The following UBE4B variants were observed in gnomAD, a reference collection of about 807,000 sequenced individuals.
UBE4B encodes ubiquitin conjugation factor E4 B.
UBE4B carries 27 observed loss-of-function variants against 148.1 expected under a neutral mutation model. The ratio of observed to expected loss-of-function variants is 0.18; its 90% CI spans 0.13 to 0.25. The LOEUF (loss-of-function observed/expected upper bound fraction) is 0.25, where lower values mean the gene tolerates loss of function less well. Ranked by LOEUF, UBE4B falls within the 10% of genes least tolerant of loss-of-function variation. The pLI is 1.00. For synonymous variants in UBE4B, 596 were observed against 619.3 expected (o/e 0.96, Z 0.56); for missense variants, 1,170 against 1,662.4 (o/e 0.70, Z 5.15).
At chr1:10,093,293 G>A (rs1008426721) in intron 2 of UBE4B, among the ~76,000 whole-genome samples, 1 of 152,050 alleles carries the variant, frequency 6.6e-6, no homozygotes. Flanking sequence ...ACCTTGTGAT[G>A]GTGTATTATT....
chr1:10,104,670 GTTATTC>G (rs1023471413), intron 5 of UBE4B, among the ~76,000 whole-genome samples: 9 of 152,214 alleles, frequency 5.9e-5, no homozygotes, highest in South Asian at 2.1e-4. Flanking sequence ...TCTGCTACTT[GTTATTC>G]TTATTATAAA....
intron 1 of UBE4B, among the ~76,000 whole-genome samples, chr1:10,039,216 A>G (rs1646329153): frequency 6.6e-6 from 1 of 152,114 alleles, no homozygotes. Context: ...GAAACATGAG[A>G]AGGGACCCCG....
chr1:10,134,879 C>T, intron 15 of UBE4B, 109 bp from the exon 16 acceptor site: 4 of 867,670 alleles, frequency 4.6e-6, no homozygotes, highest in Non-Finnish European at 7.0e-6. Context: ...GTGGAGGTTG[C>T]AGCCAAGATC....
At chr1:10,103,238 ATTG>A in intron 5 of UBE4B, 146 bp downstream of exon 5, 1 of 724,208 alleles carries the variant, frequency 1.4e-6, no homozygotes, top group Non-Finnish European at 2.1e-6. Flanking sequence ...TGAGGACACA[ATTG>A]TTTAGCCACT....
intron 2 of UBE4B, 35 bp from the exon 3 acceptor site, chr1:10,095,426 C>G (rs780062085): frequency 6.2e-6 from 10 of 1,610,254 alleles, no homozygotes; most frequent in Non-Finnish European, 7.6e-6. Context: ...CATTATTTCA[C>G]ATGGGGCTTC....
chr1:10,068,418 C>T (rs1467886260), intron 1 of UBE4B, among the ~76,000 whole-genome samples: 10 of 148,344 alleles, frequency 6.7e-5, no homozygotes, highest in African/African-American at 1.8e-4. Flanking sequence ...GGTGCGATCT[C>T]AGCTCACTGT....
chr1:10,126,911 A>G, intron 11 of UBE4B, 34 bp downstream of exon 11: 2 of 1,529,942 alleles, frequency 1.3e-6, no homozygotes, highest in Non-Finnish European at 1.8e-6. Context: ...AACTCATTCA[A>G]TAGATGTTTT....
At chr1:10,131,407 C>T (rs566396292) in intron 14 of UBE4B, among the ~76,000 whole-genome samples, 74 of 152,116 alleles carry the variant, frequency 4.9e-4, no homozygotes, top group Non-Finnish European at 9.7e-4. Flanking sequence ...ATCACTTGAA[C>T]CCAGGAGGTG....
In UBE4B at chr1:10,112,431, G is replaced by A. The variant is rs182380922; in HGVS notation, c.1197-5028G>A. 7.8e-4 allele frequency among the ~76,000 whole-genome samples: 119 copies of A among 152,100 alleles called. No individual in the cohort carries two copies. The Middle Eastern group carries it at 0.02, about 26-fold the overall frequency. ...TTTGTCTTGTTTTAGACGGAGTCTC[G>A]CTCTGTCTCCCGGGCTGGAGTGCAG... is the stretch of plus-strand genomic sequence containing the variant. On this transcript the variant is annotated intron_variant, in intron 7 of 27. Transcript: ENST00000343090.
At chr1:10,156,544 T>C (rs1281615636) in intron 21 of UBE4B, among the ~76,000 whole-genome samples, 1 of 152,144 alleles carries the variant, frequency 6.6e-6, no homozygotes, top group Non-Finnish European at 1.5e-5. Context: ...AGATACATAT[T>C]GCTACATAAT....
chr1:10,161,151 G>A lies in UBE4B; in HGVS notation c.3063G>A (p.Lys1021=). The A allele has an allele frequency of 6.2e-7, 1 of 1,614,050 alleles. No homozygotes were observed. Among genetic ancestry groups the A allele is most frequent in the Non-Finnish European group, 8.5e-7 (1 of 1,179,974 alleles). Residue 1021 remains lysine, a synonymous_variant, in exon 23 of 28, where the codon AAG becomes AAA. Coordinates refer to ENST00000343090, the MANE Select transcript of UBE4B (RefSeq NM_001105562.3). This position sits in a 1 kb window ranked among gnomAD's most constrained non-coding sequence, Gnocchi z 4.1. ...ATAATTGCCTTTCCAGCTCCGGGAA[G>A]CAGTTTGTTCGCTATATAAACATGT... ...GTFMEEFNSG[K]QFVRYINMLI... is the part of the protein sequence containing the mutation.
At chr1:10,154,384 TAA>T (rs925941474) in intron 21 of UBE4B, among the ~76,000 whole-genome samples, 1 of 151,442 alleles carries the variant, frequency 6.6e-6, no homozygotes, top group African/African-American at 2.4e-5. Flanking sequence ...AAAAAAATTT[TAA>T]AAAAAAAGAG....
intron 27 of UBE4B, 90 bp from the exon 28 acceptor site, chr1:10,179,805 T>C (rs1646479890): frequency 3.3e-6 from 5 of 1,531,820 alleles, no homozygotes; most frequent in Admixed American, 3.6e-5. Context: ...GAATGGCCTT[T>C]TCTTCCCATT....
At chr1:10,099,718 T>C (rs1380697509) in intron 3 of UBE4B, among the ~76,000 whole-genome samples, 2 of 152,134 alleles carry the variant, frequency 1.3e-5, no homozygotes, top group Non-Finnish European at 2.9e-5. Context: ...ATATCAAGAT[T>C]TGTGAAGTTT....
intron 1 of UBE4B, among the ~76,000 whole-genome samples, chr1:10,069,080 C>T (rs962459154): frequency 2.0e-5 from 3 of 152,194 alleles, no homozygotes; most frequent in African/African-American, 7.2e-5. Flanking sequence ...AGAATCCTTT[C>T]TTTCTTCAAC....
rs906687718 is a variant in UBE4B, at chr1:10,130,731, A to G, written c.1829A>G (p.Lys610Arg). The change falls in exon 14 of 28, where the codon AAA becomes AGA. Residue 610 changes from lysine to arginine, a missense_variant. By Grantham distance (26) the Lys-to-Arg change is conservative (BLOSUM62 2). This residue lies in a region of UBE4B where 388 missense variants were observed against 536.0 expected (regional missense o/e 0.72). Transcript: ENST00000343090. ...TCTTTCCAGGTTAAAGTGGTTGAAA[A>G]ATACTTCTCAGGGCCTGCCATTACC... Reference protein sequence around the residue: ...FAEDDVKVVEKYFSGPAITLE... With the variant: ...FAEDDVKVVERYFSGPAITLE... The G allele has an allele frequency of 9.3e-6, 15 of 1,614,018 alleles. No individual in the cohort carries two copies. The Admixed American group carries it at 2.3e-4, about 25-fold the overall frequency.
At chr1:10,071,639 G>A (rs905772173) in intron 1 of UBE4B, among the ~76,000 whole-genome samples, 8 of 152,150 alleles carry the variant, frequency 5.3e-5, no homozygotes, top group African/African-American at 1.7e-4. Flanking sequence ...AAGGAGGTGT[G>A]ATAAACAGAG....
intron 19 of UBE4B, among the ~76,000 whole-genome samples, chr1:10,147,529 A>G (rs1383722380): frequency 1.3e-5 from 2 of 152,204 alleles, no homozygotes; most frequent in Admixed American, 6.6e-5. Flanking sequence ...CTCAGTTTCC[A>G]GATTGCATTT....
chr1:10,112,775 T>C (rs1411486022), intron 7 of UBE4B, among the ~76,000 whole-genome samples: 2 of 152,226 alleles, frequency 1.3e-5, no homozygotes, highest in Non-Finnish European at 2.9e-5. Context: ...ATCTAAAAAT[T>C]CTTGTAAATC....
Sources: allele counts gnomAD v4.1 joint callset (sites outside exome capture counted in the v4.1 genomes callset), GRCh38; gene constraint gnomAD v4.1.1; regional missense constraint gnomAD v4.1.1; non-coding constraint Gnocchi (gnomAD v3.1); transcripts MANE v1.5; gene names NCBI Gene and HGNC (gene_info 2026-07-23, HGNC 2026-07-21).